The following MYO18B variants were observed in gnomAD, a reference collection of about 807,000 sequenced individuals.
MYO18B encodes the protein myosin XVIIIB.
In MYO18B, 204 loss-of-function variants were observed where a neutral mutation model predicts 273.0. The observed-to-expected ratio is 0.75, with a 90% CI of 0.67 to 0.84. MYO18B has a LOEUF of 0.84. Among genes scored for constraint, MYO18B ranks in the 40% least tolerant of loss-of-function variants. The pLI is 0.00. For missense variants in MYO18B, 3,212 were observed against 3,287.6 expected, an observed-to-expected ratio of 0.98 and a Z score of 0.56; for synonymous variants, 1,330 against 1,305.7, an observed-to-expected ratio of 1.02 and a Z score of -0.40.
At chr22:25,769,704 T>C (rs931815768) in intron 4 of MYO18B, among the ~76,000 whole-genome samples, 1 of 152,138 alleles carries the variant, frequency 6.6e-6, no homozygotes, top group Non-Finnish European at 1.5e-5. Context: ...TCCTCACGGC[T>C]GACATGGTAG....
intron 24 of MYO18B, chr22:25,877,336 G>C (rs1037957999): frequency 2.0e-5 from 3 of 152,106 alleles, no homozygotes; most frequent in African/African-American, 7.2e-5. Flanking sequence ...AATTTACAAA[G>C]AGTAATCGTA....
chr22:25,812,767 A>G (rs2088819125), intron 12 of MYO18B, among the ~76,000 whole-genome samples: 1 of 152,188 alleles, frequency 6.6e-6, no homozygotes, highest in South Asian at 2.1e-4. Context: ...GGAGAGTCCA[A>G]GGGCTGGAAA....
intron 39 of MYO18B, among the ~76,000 whole-genome samples, chr22:25,975,333 A>G (rs2093077482): frequency 6.6e-6 from 1 of 152,194 alleles, no homozygotes; most frequent in South Asian, 2.1e-4. Flanking sequence ...GCAAAAGTGT[A>G]CGGAGGTAGC....
chr22:25,928,931 G>A (rs2092459257), intron 34 of MYO18B, among the ~76,000 whole-genome samples: 1 of 152,136 alleles, frequency 6.6e-6, no homozygotes, highest in African/African-American at 2.4e-5. Flanking sequence ...GGAGGCCAAG[G>A]CGGGCGGGTC....
intron 42 of MYO18B, among the ~76,000 whole-genome samples, chr22:26,009,294 C>T (rs1355053671): frequency 6.6e-6 from 1 of 152,136 alleles, no homozygotes; most frequent in Admixed American, 6.5e-5. Flanking sequence ...CTTCTTTCTC[C>T]CTAAAACACT....
intron 39 of MYO18B, among the ~76,000 whole-genome samples, chr22:25,960,516 T>G (rs2092906863): frequency 6.6e-6 from 1 of 152,178 alleles, no homozygotes. Flanking sequence ...CCAGGTGTCC[T>G]TTTCACAAGT....
intron 25 of MYO18B, among the ~76,000 whole-genome samples, chr22:25,886,945 A>T (rs2091518176): frequency 6.6e-6 from 1 of 152,206 alleles, no homozygotes; most frequent in South Asian, 2.1e-4. Flanking sequence ...AAGGCAAATG[A>T]CATATGCCAA....
At chr22:25,954,728 T>C (rs2092828733) in intron 38 of MYO18B, among the ~76,000 whole-genome samples, 1 of 152,150 alleles carries the variant, frequency 6.6e-6, no homozygotes, top group African/African-American at 2.4e-5. Flanking sequence ...ATTTATTTTT[T>C]CGAGACAGGG....
chr22:25,747,225 T>C (rs746256394), intron 1 of MYO18B, among the ~76,000 whole-genome samples: 13 of 152,248 alleles, frequency 8.5e-5, no homozygotes, highest in Non-Finnish European at 1.3e-4. Context: ...TCTAACCAGC[T>C]TCTTGCTTCA....
intron 34 of MYO18B, among the ~76,000 whole-genome samples, chr22:25,925,322 T>C (rs774639124): frequency 6.6e-6 from 1 of 151,232 alleles, no homozygotes; most frequent in Non-Finnish European, 1.5e-5. Context: ...GGGGGAACCA[T>C]AGGCTTTATT....
rs1205872521 is a variant in MYO18B, at chr22:25,782,907, AG to A, written c.2312+1075del. On this transcript the variant is annotated intron_variant, in intron 10 of 43. Coordinates refer to ENST00000335473, the MANE Select transcript of MYO18B (RefSeq NM_032608.7). ...GAGTGGGGTGGTATAGCAGAGTGAC[AG>A]GTACCACAGACTCGAGGACAAGGCT... Among the ~76,000 whole-genome samples, 3 of 152,232 alleles carry A rather than the reference AG, an allele frequency of 2.0e-5. No individual in the cohort carries two copies. The East Asian group carries it at 5.8e-4, about 29-fold the overall frequency.
chr22:26,035,782 G>C (rs1461422288), downstream of MYO18B, among the ~76,000 whole-genome samples: 5 of 152,304 alleles, frequency 3.3e-5, no homozygotes, highest in East Asian at 5.8e-4. Context: ...AGGAGAACAG[G>C]AGCAGCAAGA....
At chr22:25,773,243 G>C (rs559171336) in intron 7 of MYO18B, among the ~76,000 whole-genome samples, 1 of 152,282 alleles carries the variant, frequency 6.6e-6, no homozygotes, top group East Asian at 1.9e-4. Flanking sequence ...CACGCACAAA[G>C]AACATCAGGG....
chr22:25,992,213 C>T lies in MYO18B; in HGVS notation c.6157-150C>T, dbSNP rs752264060. On this transcript the variant is annotated intron_variant, in intron 39 of 43. Transcript: ENST00000335473. ...TGGTTGAGGATCCCATAAATCTGTC[C>T]GCAGAGAGAGCCTCTCACGGAGAAC... 8.6e-5 allele frequency: 76 copies of T among 880,256 alleles called. 2 individuals carry two copies. The highest frequency in any genetic ancestry group is 4.4e-4 in the Admixed American group (17 of 38,994). 54.5% of individuals were successfully genotyped at this position (880,256 alleles called of 1,614,324 possible). A position where few individuals can be genotyped will look rare whatever the true frequency, so the allele number is the denominator to read the frequency against.
At chr22:25,847,958 C>T (rs868557857) in intron 20 of MYO18B, among the ~76,000 whole-genome samples, 10,204 of 151,062 alleles carry the variant, frequency 0.068, 1,129 homozygotes, top group African/African-American at 0.23. Context: ...TACACACACA[C>T]ACACACACAC....
chr22:25,974,724 A>G (rs930146673), intron 39 of MYO18B, among the ~76,000 whole-genome samples: 1 of 152,246 alleles, frequency 6.6e-6, no homozygotes, highest in Non-Finnish European at 1.5e-5. Context: ...GTTTTGGAAC[A>G]TAAAACTGAA....
intron 12 of MYO18B, among the ~76,000 whole-genome samples, chr22:25,818,946 T>C (rs2089159443): frequency 6.6e-6 from 1 of 152,114 alleles, no homozygotes; most frequent in Non-Finnish European, 1.5e-5. Flanking sequence ...AAACTGGGAA[T>C]AGCAGAAACA....
In MYO18B at chr22:25,784,569, A is replaced by G. The variant is rs143297286; in HGVS notation, c.2313-859A>G. ...GGTCTGTAGAGAATCCAGGGAGAGGACACTGAAGGCCTCAGAACCAGACAA... is the reference window on the plus strand; with the variant it reads ...GGTCTGTAGAGAATCCAGGGAGAGGGCACTGAAGGCCTCAGAACCAGACAA... On this transcript the variant is annotated intron_variant, in intron 10 of 43. Coordinates refer to ENST00000335473, the MANE Select transcript of MYO18B (RefSeq NM_032608.7). Among the ~76,000 whole-genome samples, 43 of 152,298 alleles carry G rather than the reference A, an allele frequency of 2.8e-4. 1 individual carries two copies. In the East Asian group the frequency reaches 8.3e-3, roughly 29 times the overall value.
chr22:25,908,487 A>T, intron 32 of MYO18B, 55 bp downstream of exon 32: 2 of 1,442,670 alleles, frequency 1.4e-6, no homozygotes, highest in Non-Finnish European at 1.9e-6. Flanking sequence ...TCTGGCATGG[A>T]TTCCCTCTTC....
Sources: allele counts gnomAD v4.1 joint callset (sites outside exome capture counted in the v4.1 genomes callset), GRCh38; gene constraint gnomAD v4.1.1; transcripts MANE v1.5; gene names NCBI Gene and HGNC (gene_info 2026-07-23, HGNC 2026-07-21).